The following ACYP2 variants were observed in gnomAD, a reference collection of about 807,000 sequenced individuals.
The protein encoded by ACYP2 is acylphosphatase-2.
ACYP2 carries 12 observed loss-of-function variants against 11.2 expected under a neutral mutation model. The ratio of observed to expected loss-of-function variants is 1.08; its 90% confidence interval spans 0.69 to 1.74. The LOEUF is 1.74. ACYP2 is among the 40% of genes most tolerant of loss of function. The pLI, the probability that ACYP2 is intolerant of heterozygous loss-of-function variation, is 0.00. For missense variants in ACYP2, 134 were observed against 101.9 expected, an observed-to-expected ratio of 1.31 and a Z score of -1.35; for synonymous variants, 43 against 32.2, an observed-to-expected ratio of 1.33 and a Z score of -1.13.
intron 4 of ACYP2, among the ~76,000 whole-genome samples, chr2:54,064,398 C>T (rs1304179425): frequency 6.6e-6 from 1 of 152,176 alleles, no homozygotes; most frequent in Non-Finnish European, 1.5e-5. Context: ...GTGGCTCTGG[C>T]AGTGGTTTCC....
chr2:54,217,431 A>G (rs908044459), intron 6 of ACYP2, among the ~76,000 whole-genome samples: 1 of 152,162 alleles, frequency 6.6e-6, no homozygotes, highest in Non-Finnish European at 1.5e-5. Context: ...CAGTGGTGCA[A>G]TCACAGCTCA....
intron 6 of ACYP2, among the ~76,000 whole-genome samples, chr2:54,214,630 T>G (rs1293843297): frequency 2.0e-5 from 3 of 152,244 alleles, no homozygotes; most frequent in Admixed American, 6.5e-5. Flanking sequence ...TAGCACACTT[T>G]TGGTTACTGT....
chr2:54,297,038 T>TA (rs1689549647), intron 6 of ACYP2, among the ~76,000 whole-genome samples: 1 of 152,134 alleles, frequency 6.6e-6, no homozygotes, highest in East Asian at 1.9e-4. Flanking sequence ...TAAGCTAAAC[T>TA]AATAGGTAAA....
At chr2:54,188,653 ATTG>A (rs1233906184) in intron 6 of ACYP2, among the ~76,000 whole-genome samples, 4 of 152,190 alleles carry the variant, frequency 2.6e-5, no homozygotes, top group Admixed American at 6.5e-5. Context: ...ATAATCAGAA[ATTG>A]TTGTTTAAAG....
At chr2:54,241,380 C>G (rs959335465) in intron 6 of ACYP2, among the ~76,000 whole-genome samples, 3 of 152,148 alleles carry the variant, frequency 2.0e-5, no homozygotes, top group Non-Finnish European at 2.9e-5. Flanking sequence ...ATGAAGCCTT[C>G]TACTAACAAA....
chr2:54,191,764 G>C (rs1684249732), intron 6 of ACYP2, among the ~76,000 whole-genome samples: 2 of 152,014 alleles, frequency 1.3e-5, no homozygotes, highest in South Asian at 4.1e-4. Flanking sequence ...AGATTTGTTT[G>C]AATACCCTCC....
intron 4 of ACYP2, among the ~76,000 whole-genome samples, chr2:54,096,239 G>A (rs1330105270): frequency 3.4e-5 from 5 of 148,504 alleles, no homozygotes; most frequent in African/African-American, 1.3e-4. Context: ...CAGACGGGGC[G>A]GCGGAGCAGA....
chr2:54,134,180 GC>G (rs1276564359), intron 4 of ACYP2, among the ~76,000 whole-genome samples: 2 of 152,126 alleles, frequency 1.3e-5, no homozygotes, highest in Non-Finnish European at 2.9e-5. Context: ...TGGAGTCCTA[GC>G]TACTCAGGAG....
chr2:54,106,169 G>A (rs1679145655), intron 4 of ACYP2, among the ~76,000 whole-genome samples: 1 of 152,138 alleles, frequency 6.6e-6, no homozygotes, highest in Non-Finnish European at 1.5e-5. Flanking sequence ...GTTTTTCAGT[G>A]CTGAATTATT....
At chr2:54,123,097 T>C in intron 4 of ACYP2, 2 of 342,308 alleles carry the variant, frequency 5.8e-6, no homozygotes, top group Non-Finnish European at 1.0e-5. Flanking sequence ...GGGCTGTGCA[T>C]GTTTCTCCTT....
chr2:54,103,091 T>C (rs1678984779), intron 4 of ACYP2, among the ~76,000 whole-genome samples: 1 of 152,042 alleles, frequency 6.6e-6, no homozygotes, highest in Admixed American at 6.6e-5. Flanking sequence ...CAAGGACTAA[T>C]AGGGGAGAAA....
At position 54,244,769 on chromosome 2, in the gene ACYP2, A is replaced by G. The variant is rs532309120; in HGVS notation, c.405-59919A>G. Among the ~76,000 whole-genome samples the G allele has an allele frequency of 2.0e-5, 3 of 152,082 alleles. 1 individual carries two copies. Among genetic ancestry groups the G allele is most frequent in the African/African-American group, 7.2e-5 (3 of 41,406 alleles). ...ATAATTTTCATTTTTGAATTGACAC[A>G]TAATAATTGTACATATTAATGGAGT... On this transcript the variant is annotated intron_variant, in intron 6 of 6. Transcript: ENST00000607452.
At chr2:54,282,986 A>G (rs990490172) in intron 6 of ACYP2, among the ~76,000 whole-genome samples, 1 of 152,214 alleles carries the variant, frequency 6.6e-6, no homozygotes, top group Non-Finnish European at 1.5e-5. Flanking sequence ...TTATTGTTTT[A>G]ATTAATAATG....
intron 4 of ACYP2, among the ~76,000 whole-genome samples, chr2:54,129,124 T>C (rs1162419502): frequency 6.6e-6 from 1 of 152,196 alleles, no homozygotes; most frequent in African/African-American, 2.4e-5. Context: ...TAGTTCTGTT[T>C]AACATGATGC....
chr2:54,073,383 A>G (rs1184701377), intron 4 of ACYP2, among the ~76,000 whole-genome samples: 1 of 152,098 alleles, frequency 6.6e-6, no homozygotes, highest in Non-Finnish European at 1.5e-5. Flanking sequence ...AAATTAACTC[A>G]AAATGGATCA....
At chr2:54,260,219 C>T (rs934165765) in intron 6 of ACYP2, among the ~76,000 whole-genome samples, 2 of 152,044 alleles carry the variant, frequency 1.3e-5, no homozygotes, top group Admixed American at 1.3e-4. Context: ...ATGAAATCGT[C>T]TTCTGATTGC....
chr2:54,011,988 C>T (rs1370891418), intron 2 of ACYP2, among the ~76,000 whole-genome samples: 2 of 152,050 alleles, frequency 1.3e-5, no homozygotes, highest in African/African-American at 4.8e-5. Context: ...GTAATCCTAG[C>T]ACTTTGAGAG....
intron 6 of ACYP2, among the ~76,000 whole-genome samples, chr2:54,243,382 TG>T (rs1686814402): frequency 6.6e-6 from 1 of 152,160 alleles, no homozygotes; most frequent in African/African-American, 2.4e-5. Context: ...GGCAACACAA[TG>T]GTAAGTATTT....
chr2:54,109,321 A>G (rs1021768545), intron 4 of ACYP2, among the ~76,000 whole-genome samples: 1 of 152,196 alleles, frequency 6.6e-6, no homozygotes, highest in Non-Finnish European at 1.5e-5. Context: ...TAGAAAACTA[A>G]ATATCGTATG....
Sources: gnomAD v4.1 joint callset for allele counts (sites outside exome capture counted in the v4.1 genomes callset) on GRCh38, gnomAD v4.1.1 for gene constraint, MANE v1.5 for transcripts, NCBI Gene and HGNC (gene_info 2026-07-23, HGNC 2026-07-21) for gene names.